Variants in TTLL10 observed in about 807,000 individuals in gnomAD.
The protein encoded by TTLL10 is inactive polyglycylase TTLL10.
TTLL10 carries 61 observed loss-of-function variants against 69.0 expected under a neutral mutation model. The ratio of observed to expected loss-of-function variants is 0.88; its 90% CI spans 0.72 to 1.09. The LOEUF (loss-of-function observed/expected upper bound fraction) is 1.09, where lower values mean the gene tolerates loss of function less well. TTLL10 is among the 50% of genes least tolerant of loss of function. TTLL10 has a pLI of 0.00. For synonymous variants in TTLL10, 408 were observed against 393.3 expected, an observed-to-expected ratio of 1.04 and a Z score of -0.44; for missense variants, 962 against 945.9, an observed-to-expected ratio of 1.02 and a Z score of -0.22.
chr1:1,183,739 G>T (rs1347565888), intron 11 of TTLL10, among the ~76,000 whole-genome samples, 181 bp from the exon 12 acceptor site: 2 of 152,206 alleles, frequency 1.3e-5, no homozygotes, highest in Non-Finnish European at 2.9e-5. Flanking sequence ...AGGGTGCCAG[G>T]CCTTTCCTCC....
Position 1,182,991 on chromosome 1 carries a change from C to A in TTLL10, c.1032C>A (p.Asp344Glu). 1.2e-6 allele frequency: 2 copies of A among 1,609,642 alleles called. No individual in the cohort carries two copies. Among genetic ancestry groups the A allele is most frequent in the Middle Eastern group, 1.7e-4 (1 of 6,054 alleles). The change falls in exon 11 of 16, where the codon GAC becomes GAA. Residue 344 changes from aspartate (D) to glutamate (E), a missense_variant. Coordinates refer to ENST00000379289, the MANE Select transcript of TTLL10 (RefSeq NM_001130045.2). ...ALQAKTRSME[D>E]DPIHHKTPFR... ...AGGCCAAGACCCGGAGCATGGAGGA[C>A]GACCCCATCCACCACAAGACGCCGT...
At chr1:1,179,089 C>T in intron 3 of TTLL10, 100 bp from the exon 4 acceptor site, 1 of 797,918 alleles carries the variant, frequency 1.3e-6, no homozygotes, top group Middle Eastern at 3.8e-4. Flanking sequence ...GGCGCCCTTT[C>T]CTGGGCAGGG....
intron 3 of TTLL10, among the ~76,000 whole-genome samples, chr1:1,176,776 C>A (rs1646882919): frequency 6.6e-6 from 1 of 152,244 alleles, no homozygotes; most frequent in Non-Finnish European, 1.5e-5. Context: ...CTCGGATTTA[C>A]ACCCACAGTC....
Position 1,179,691 on chromosome 1 carries a change from G to A in TTLL10, c.153G>A (p.Pro51=), listed in dbSNP as rs376307200. ...TIPASRLHPA[P]ASQPGPCPAP... ...CTGCGTCACGTCTGCACCCAGCACC[G>A]GCCTCACAGCCCGGCCCCTGCCCTG... Residue 51 remains proline (P), a synonymous_variant, in exon 5 of 16, where the codon CCG becomes CCA. Coordinates refer to ENST00000379289, the MANE Select transcript of TTLL10 (RefSeq NM_001130045.2). The A allele has an allele frequency of 1.3e-4, 204 of 1,550,892 alleles. No homozygotes were observed. The African/African-American group carries it at 2.2e-3, about 17-fold the overall frequency.
chr1:1,183,700 T>C lies in TTLL10; in HGVS notation c.1089-220T>C, dbSNP rs373300013. 2.3e-3 allele frequency among the ~76,000 whole-genome samples: 346 copies of C among 152,348 alleles called. 2 individuals are homozygous for C. The Middle Eastern group carries it at 0.041, about 18-fold the overall frequency. On this transcript the variant is annotated intron_variant, in intron 11 of 15. Transcript: ENST00000379289. ...TCCTCCAGGCAGCCCTCCAGGCTCC[T>C]ACTGCGGTTATGCCCTGGAGCACCC... is the stretch of plus-strand genomic sequence containing the variant.
chr1:1,180,898 CGCCCCTACGCCT>C (rs1647040678), intron 8 of TTLL10, 38 bp downstream of exon 8: 1 of 1,507,362 alleles, frequency 6.6e-7, no homozygotes, highest in Admixed American at 2.0e-5. Flanking sequence ...TCCCTGCGCC[CGCCCCTACGCCT>C]GCCCCTGCCC....
chr1:1,179,195 C>A lies in TTLL10; in HGVS notation c.-21C>A. 2.0e-6 allele frequency: 3 copies of A among 1,518,958 alleles called. No homozygotes were observed. The highest frequency in any genetic ancestry group is 2.7e-6 in the Non-Finnish European group (3 of 1,129,880). The allele number at this position is 1,518,958 out of a possible 1,614,324, so 94.1% of individuals were successfully genotyped here. A position where few individuals can be genotyped will look rare whatever the true frequency, so the allele number is the denominator to read the frequency against. On this transcript the variant is annotated 5_prime_UTR_variant, in exon 4 of 16. Transcript: ENST00000379289. ...AGCGGCATCTTCCCTTCAGGGCCCTCGCCCGGGCACCCCCCGGCCAATGGA... is the reference window on the plus strand; with the variant it reads ...AGCGGCATCTTCCCTTCAGGGCCCTAGCCCGGGCACCCCCCGGCCAATGGA...
chr1:1,196,961 C>T, intron 14 of TTLL10, 132 bp from the exon 15 acceptor site: 1 of 939,000 alleles, frequency 1.1e-6, no homozygotes, highest in Non-Finnish European at 1.6e-6. Context: ...CTTCAGTGGA[C>T]AAACAGGGGA....
chr1:1,191,931 A>G (rs1647815795), intron 13 of TTLL10, among the ~76,000 whole-genome samples: 2 of 152,280 alleles, frequency 1.3e-5, no homozygotes, highest in African/African-American at 4.8e-5. Context: ...AACGCCTTTC[A>G]GCGGTTTTCC....
rs1469591526 is a variant in TTLL10 at position 1,181,299 on chromosome 1, C to T, written c.755+439C>T. 6.6e-6 allele frequency among the ~76,000 whole-genome samples: 1 copy of T among 151,982 alleles called. No individual in the cohort carries two copies. Among genetic ancestry groups the T allele is most frequent in the African/African-American group, 2.4e-5 (1 of 41,356 alleles). On this transcript the variant is annotated intron_variant, in intron 8 of 15. Coordinates refer to ENST00000379289, the MANE Select transcript of TTLL10 (RefSeq NM_001130045.2). The surrounding 1 kb of genome is among the most constrained non-coding windows in gnomAD (Gnocchi z 4.6). Reference sequence around the variant, plus strand: ...TCCATCCAATCCATCCACAATCCCACACCGTGCCCACCGTCACCTGTGGGT... The same window carrying T: ...TCCATCCAATCCATCCACAATCCCATACCGTGCCCACCGTCACCTGTGGGT...
At position 1,185,674 on chromosome 1, in the gene TTLL10, T is replaced by A. The variant is rs1280818707; in HGVS notation, c.1401+565T>A. On this transcript the variant is annotated intron_variant, in intron 13 of 15. Transcript: ENST00000379289. The surrounding 1 kb of genome is among the most constrained non-coding windows in gnomAD (Gnocchi z 6.1). ...TAAAAACGGGGCTTGGCCGAAGGAC[T>A]TTTATCTGTCTTGGTCACCCCGGCC... 1.0e-6 allele frequency: 1 copy of A among 985,494 alleles called. No homozygotes were observed. 61.0% of individuals were successfully genotyped at this position (985,494 alleles called of 1,614,324 possible).
At chr1:1,193,239 G>A (rs1196317488) in intron 13 of TTLL10, among the ~76,000 whole-genome samples, 1 of 151,946 alleles carries the variant, frequency 6.6e-6, no homozygotes, top group Admixed American at 6.5e-5. Context: ...GCAGGAGAAT[G>A]GCGTGAACCC....
intron 15 of TTLL10, 58 bp from the exon 16 acceptor site, chr1:1,197,374 CTCCCCA>C: frequency 1.4e-6 from 1 of 710,068 alleles, no homozygotes; most frequent in Non-Finnish European, 2.3e-6. Context: ...CCCTCACACC[CTCCCCA>C]CCCCCTCCAG....
Position 1,185,156 on chromosome 1 carries a change from G to A in TTLL10, c.1401+47G>A, listed in dbSNP as rs77950429. 46,260 of 1,593,928 alleles carry A rather than the reference G, an allele frequency of 0.029. 1,315 individuals carry two copies. The highest frequency in any genetic ancestry group is 0.17 in the East Asian group (7,507 of 44,486). On this transcript the variant is annotated intron_variant, in intron 13 of 15. Transcript: ENST00000379289. The surrounding 1 kb of genome is among the most constrained non-coding windows in gnomAD (Gnocchi z 6.1). ...GTCTGGGAGTGAGATCCCTCGGGGC[G>A]GGGGTGTGTGGTCAGGCTGGGCACC...
Position 1,180,076 on chromosome 1 carries a change from G to A in TTLL10, c.242G>A (p.Gly81Glu). Residue 81 changes from glycine (G) to glutamate (E), a missense_variant, in exon 6 of 16, where the codon GGA becomes GAA. By Grantham distance (98) the Gly-to-Glu change is moderately conservative. Transcript: ENST00000379289. Reference protein sequence around the residue: ...ERPMGSSQEEGLRCQPSQPDH... With the variant: ...ERPMGSSQEEELRCQPSQPDH... ...CCAATGGGGAGCAGCCAGGAGGAGG[G>A]ACTCCGGTGTCAGCCAAGCCAGCCA... 1 of 1,601,594 alleles carries A rather than the reference G, an allele frequency of 6.2e-7. No homozygotes were observed.
chr1:1,182,346 C>T lies in TTLL10; in HGVS notation c.831-15C>T, dbSNP rs1317648177. ...AAGGGACAGCAGCTCATCCTCCTGC[C>T]TCCCTGCCCTGCAGGGTCCTGAGAA... is the stretch of plus-strand genomic sequence containing the variant. On this transcript the variant is annotated splice_polypyrimidine_tract_variant and intron_variant, in intron 9 of 15. Coordinates refer to ENST00000379289, the MANE Select transcript of TTLL10 (RefSeq NM_001130045.2). 2 of 1,610,162 alleles carry T rather than the reference C, an allele frequency of 1.2e-6. No individual in the cohort carries two copies. The highest frequency in any genetic ancestry group is 4.5e-5 in the East Asian group (2 of 44,840).
intron 13 of TTLL10, chr1:1,196,375 C>T (rs570971759): frequency 5.6e-6 from 3 of 539,408 alleles, no homozygotes; most frequent in South Asian, 4.3e-5. Flanking sequence ...TCCTCACTCT[C>T]GTATCTCCAG....
Position 1,180,740 on chromosome 1 carries a change from TGCTGTACCA to T in TTLL10, c.639_647del (p.Tyr214_Leu216del). On this transcript the variant is annotated inframe_deletion, in exon 8 of 16. Coordinates refer to ENST00000379289, the MANE Select transcript of TTLL10 (RefSeq NM_001130045.2). ...GGCCTCTGACCTCCAGGAGAGCAGC[TGCTGTACCA>T]GCTTCCCAACAACAAGCTCCTCACC... 1 of 1,606,828 alleles carries T rather than the reference TGCTGTACCA, an allele frequency of 6.2e-7. No individual in the cohort carries two copies. The highest frequency in any genetic ancestry group is 8.5e-7 in the Non-Finnish European group (1 of 1,177,140).
At chr1:1,190,618 T>C (rs1647699986) in intron 13 of TTLL10, among the ~76,000 whole-genome samples, 1 of 151,186 alleles carries the variant, frequency 6.6e-6, no homozygotes, top group African/African-American at 2.4e-5. Flanking sequence ...CTAATGGAGA[T>C]GGGGTTTCAC....
Sources: allele counts gnomAD v4.1 joint callset (sites outside exome capture counted in the v4.1 genomes callset), GRCh38; gene constraint gnomAD v4.1.1; non-coding constraint Gnocchi (gnomAD v3.1); transcripts MANE v1.5; gene names NCBI Gene and HGNC (gene_info 2026-07-23, HGNC 2026-07-21).